Variants in LARP4 observed in about 807,000 individuals in gnomAD.
LARP4 encodes the protein La ribonucleoprotein 4.
Under a neutral mutation model 92.9 loss-of-function variants are expected in LARP4, and 29 were observed. That is an observed-to-expected ratio of 0.31 (90% CI 0.23 to 0.43). The LOEUF (loss-of-function observed/expected upper bound fraction) is 0.43. Ranked by LOEUF, LARP4 falls within the 20% of genes least tolerant of loss-of-function variation. The probability of loss-of-function intolerance (pLI) is 1.00; values close to 1 mark genes in which losing one functional copy is unlikely to be tolerated. For missense variants in LARP4, 732 were observed against 860.0 expected, an observed-to-expected ratio of 0.85 and a Z score of 1.86; for synonymous variants, 279 against 284.1, an observed-to-expected ratio of 0.98 and a Z score of 0.18.
At chr12:50,471,237 A>G (rs937540172) in intron 13 of LARP4, among the ~76,000 whole-genome samples, 1 of 152,210 alleles carries the variant, frequency 6.6e-6, no homozygotes, top group Non-Finnish European at 1.5e-5. Context: ...TTAGTTTACC[A>G]ACCCTTGCGC....
chr12:50,404,476 G>C (rs1944422273), intron 1 of LARP4, among the ~76,000 whole-genome samples: 1 of 152,100 alleles, frequency 6.6e-6, no homozygotes, highest in Admixed American at 6.6e-5. Context: ...TTTCGCTTGA[G>C]TATGGGAGGT....
At chr12:50,423,944 C>T (rs970735745) in intron 1 of LARP4, among the ~76,000 whole-genome samples, 21 of 151,850 alleles carry the variant, frequency 1.4e-4, no homozygotes, top group African/African-American at 4.8e-4. Flanking sequence ...TTAGTAGAGA[C>T]AGGGTTTCAC....
intron 1 of LARP4, among the ~76,000 whole-genome samples, chr12:50,424,422 G>A (rs553649674): frequency 2.0e-5 from 3 of 150,766 alleles, no homozygotes; most frequent in South Asian, 2.1e-4. Context: ...ACAGTGGCCC[G>A]ATCTCGGCTC....
At chr12:50,467,854 T>C (rs1956353274) in intron 13 of LARP4, among the ~76,000 whole-genome samples, 1 of 52,778 alleles carries the variant, frequency 1.9e-5, no homozygotes, top group African/African-American at 3.1e-5. Context: ...TTATTCTAAT[T>C]CAGTTTTTTT....
intron 2 of LARP4, 122 bp from the exon 3 acceptor site, chr12:50,428,813 C>T (rs754522779): frequency 1.2e-5 from 8 of 672,384 alleles, no homozygotes; most frequent in East Asian, 1.2e-4. Flanking sequence ...TAAAACCATG[C>T]GGACATATTT....
rs989766700 is a variant in LARP4 at position 50,476,699 on chromosome 12, C to G, written c.*835C>G. 4 of 152,556 alleles carry G rather than the reference C, an allele frequency of 2.6e-5. No homozygotes were observed. The highest frequency in any genetic ancestry group is 3.4e-3 in the Middle Eastern group (1 of 294). The allele number at this position is 152,556 out of a possible 1,614,324, so 9.5% of individuals were successfully genotyped here. A position where few individuals can be genotyped will look rare whatever the true frequency, so the allele number is the denominator to read the frequency against. ...TTCCCTGTGATTCCCCCGAATACCC[C>G]CAAAATGAGAAACAAAATTTTTTTT... On this transcript the variant is annotated 3_prime_UTR_variant, in exon 16 of 16. Transcript: ENST00000398473.
intron 1 of LARP4, chr12:50,421,233 G>C (rs1012906718): frequency 1.0e-6 from 1 of 981,844 alleles, no homozygotes; most frequent in African/African-American, 1.8e-5. Flanking sequence ...ACAGGCGTGA[G>C]CCACCGTACC....
chr12:50,445,041 G>T (rs181640625), intron 8 of LARP4, among the ~76,000 whole-genome samples: 1 of 138,676 alleles, frequency 7.2e-6, no homozygotes, highest in African/African-American at 2.8e-5. Flanking sequence ...GCAACTACAG[G>T]TGCATGCCAC....
intron 10 of LARP4, among the ~76,000 whole-genome samples, chr12:50,455,396 C>G (rs1217630102): frequency 6.6e-6 from 1 of 152,164 alleles, no homozygotes; most frequent in Non-Finnish European, 1.5e-5. Flanking sequence ...GAATAAAGGA[C>G]TGACATATAG....
intron 8 of LARP4, among the ~76,000 whole-genome samples, chr12:50,442,190 A>G (rs1437112079): frequency 6.6e-6 from 1 of 152,250 alleles, no homozygotes; most frequent in Non-Finnish European, 1.5e-5. Context: ...TTAGATGCTG[A>G]TTTACAACAT....
At chr12:50,467,499 C>T (rs944605773) in intron 13 of LARP4, among the ~76,000 whole-genome samples, 12 of 152,030 alleles carry the variant, frequency 7.9e-5, no homozygotes, top group African/African-American at 2.9e-4. Context: ...GACAGGGTTT[C>T]GCCACATTGG....
At chr12:50,468,471 G>A (rs1272716435) in intron 13 of LARP4, among the ~76,000 whole-genome samples, 1 of 149,944 alleles carries the variant, frequency 6.7e-6, no homozygotes, top group South Asian at 2.1e-4. Flanking sequence ...TTTTTTTTTT[G>A]TATTTTTAGT....
intron 5 of LARP4, 109 bp from the exon 6 acceptor site, chr12:50,437,626 G>C (rs1950627944): frequency 1.6e-6 from 1 of 607,202 alleles, no homozygotes; most frequent in Non-Finnish European, 2.9e-6. Context: ...TATTAACCCA[G>C]CCTCTGCAAA....
At chr12:50,438,411 G>A (rs1950739327) in intron 6 of LARP4, among the ~76,000 whole-genome samples, 1 of 151,450 alleles carries the variant, frequency 6.6e-6, no homozygotes, top group Admixed American at 6.6e-5. Context: ...GCTGGAGAAT[G>A]GTGTGAACCT....
chr12:50,461,530 C>G, intron 11 of LARP4, 183 bp downstream of exon 11: 1 of 634,346 alleles, frequency 1.6e-6, no homozygotes, highest in South Asian at 2.0e-5. Flanking sequence ...AATAGAGTGC[C>G]CATACAGAAT....
chr12:50,437,870 TTC>T (rs745636829), intron 6 of LARP4, 32 bp downstream of exon 6: 3 of 1,343,342 alleles, frequency 2.2e-6, no homozygotes, highest in Non-Finnish European at 3.2e-6. Flanking sequence ...ACACTAAATG[TTC>T]TCTGTTTAAA....
chr12:50,415,034 G>C (rs1356032208), intron 1 of LARP4, among the ~76,000 whole-genome samples: 1 of 151,946 alleles, frequency 6.6e-6, no homozygotes, highest in African/African-American at 2.4e-5. Context: ...GAAACCCTGT[G>C]TCTACTAAAC....
chr12:50,423,488 G>C (rs1299223815), intron 1 of LARP4, among the ~76,000 whole-genome samples: 1 of 152,048 alleles, frequency 6.6e-6, no homozygotes, highest in Non-Finnish European at 1.5e-5. Flanking sequence ...TTGCTCTGTT[G>C]CCCAGGCTGG....
intron 13 of LARP4, among the ~76,000 whole-genome samples, chr12:50,470,543 C>G (rs1593461145): frequency 6.6e-6 from 1 of 152,084 alleles, no homozygotes; most frequent in African/African-American, 2.4e-5. Flanking sequence ...AAGCGATTCT[C>G]CTGCCTCAGC....
Sources: allele counts gnomAD v4.1 joint callset (sites outside exome capture counted in the v4.1 genomes callset), GRCh38; gene constraint gnomAD v4.1.1; transcripts MANE v1.5; gene names NCBI Gene and HGNC (gene_info 2026-07-23, HGNC 2026-07-21).